The following CNTNAP2 variants were observed in gnomAD, a reference collection of about 807,000 sequenced individuals.
The protein encoded by CNTNAP2 is contactin associated protein 2.
In CNTNAP2, 98 loss-of-function variants were observed where a neutral mutation model predicts 155.2. The ratio of observed to expected loss-of-function variants is 0.63; its 90% CI spans 0.54 to 0.75. CNTNAP2 has a LOEUF of 0.75. Among genes scored for constraint, CNTNAP2 ranks in the 30% least tolerant of loss-of-function variants. CNTNAP2 has a pLI of 0.00. For synonymous variants in CNTNAP2, 651 were observed against 631.2 expected (o/e 1.03, Z -0.47); for missense variants, 1,727 against 1,688.1 (o/e 1.02, Z -0.40).
Position 146,118,355 on chromosome 7 carries a change from G to T in CNTNAP2, c.97+1382G>T, listed in dbSNP as rs1228126127. ...GTTAAATCACAAAGAGTTAAATATTGTTAATATTTATGTCAATTTTATAAA... is the reference window on the plus strand; with the variant it reads ...GTTAAATCACAAAGAGTTAAATATTTTTAATATTTATGTCAATTTTATAAA... On this transcript the variant is annotated intron_variant, in intron 1 of 23. Coordinates refer to ENST00000361727, the MANE Select transcript of CNTNAP2 (RefSeq NM_014141.6). 2.0e-5 allele frequency among the ~76,000 whole-genome samples: 3 copies of T among 151,998 alleles called. No homozygotes were observed. In the East Asian group the frequency reaches 5.8e-4, roughly 29 times the overall value.
chr7:146,757,675 A>G (rs1000309990), intron 1 of CNTNAP2, among the ~76,000 whole-genome samples: 4 of 152,210 alleles, frequency 2.6e-5, no homozygotes, highest in African/African-American at 9.6e-5. Flanking sequence ...TTCTAAATTC[A>G]GGTTCAGAGG....
At chr7:147,931,857 A>T (rs943703438) in intron 14 of CNTNAP2, among the ~76,000 whole-genome samples, 1 of 152,068 alleles carries the variant, frequency 6.6e-6, no homozygotes, top group African/African-American at 2.4e-5. Context: ...AATTCCAATA[A>T]CATTCTTTTT....
chr7:147,481,758 C>T (rs767610822), intron 10 of CNTNAP2, among the ~76,000 whole-genome samples: 15 of 152,186 alleles, frequency 9.9e-5, no homozygotes, highest in Non-Finnish European at 2.1e-4. Context: ...CACCTGCCAA[C>T]TTCTCCCCTG....
intron 18 of CNTNAP2, among the ~76,000 whole-genome samples, chr7:148,179,609 G>A (rs1157370171): frequency 7.0e-6 from 1 of 142,400 alleles, no homozygotes; most frequent in Non-Finnish European, 1.5e-5. Context: ...GGGAGGGAAG[G>A]AGGGAAGGAA....
intron 15 of CNTNAP2, among the ~76,000 whole-genome samples, chr7:148,088,488 C>A (rs924965135): frequency 1.3e-5 from 2 of 151,720 alleles, no homozygotes; most frequent in African/African-American, 4.8e-5. Flanking sequence ...GAGGAGACAT[C>A]ATAACCTATA....
chr7:147,663,185 G>A (rs1252579069), intron 13 of CNTNAP2, among the ~76,000 whole-genome samples: 3 of 40 alleles, frequency 0.075, no homozygotes, highest in Middle Eastern at 0.5. Context: ...TTTTCGTAGG[G>A]ACGGGTTTCA....
At chr7:146,956,089 T>C (rs1797429334) in intron 3 of CNTNAP2, among the ~76,000 whole-genome samples, 2 of 130,470 alleles carry the variant, frequency 1.5e-5, no homozygotes, top group African/African-American at 5.4e-5. Context: ...AGGAGATCAT[T>C]AGATTCTAGC....
At chr7:147,452,434 G>C (rs1797848649) in intron 10 of CNTNAP2, among the ~76,000 whole-genome samples, 1 of 152,086 alleles carries the variant, frequency 6.6e-6, no homozygotes, top group South Asian at 2.1e-4. Flanking sequence ...TTCATATAAT[G>C]TACATTGTTA....
chr7:147,262,980 T>A (rs1187815644), intron 8 of CNTNAP2, among the ~76,000 whole-genome samples: 4 of 152,242 alleles, frequency 2.6e-5, no homozygotes, highest in African/African-American at 9.6e-5. Context: ...CCCAGAAAAC[T>A]AATACAGATA....
intron 1 of CNTNAP2, among the ~76,000 whole-genome samples, chr7:146,505,357 C>T (rs910807887): frequency 6.6e-6 from 1 of 152,228 alleles, no homozygotes; most frequent in African/African-American, 2.4e-5. Flanking sequence ...AGGGGTAAAT[C>T]ATGCCCTTCA....
At chr7:148,064,630 C>T in intron 15 of CNTNAP2, among the ~76,000 whole-genome samples, 1 of 144,582 alleles carries the variant, frequency 6.9e-6, no homozygotes, top group African/African-American at 2.6e-5. Flanking sequence ...CAACTGCAAG[C>T]AAGCTAAGAA....
chr7:147,247,670 G>A (rs982757721), intron 8 of CNTNAP2, among the ~76,000 whole-genome samples: 2 of 152,136 alleles, frequency 1.3e-5, no homozygotes, highest in Admixed American at 1.3e-4. Context: ...AAAAAAATCT[G>A]AGTCCTTTAA....
chr7:146,886,550 G>GT (rs75105018), intron 3 of CNTNAP2, among the ~76,000 whole-genome samples: 1 of 151,812 alleles, frequency 6.6e-6, no homozygotes, highest in Non-Finnish European at 1.5e-5. Flanking sequence ...TGGACTGTAT[G>GT]TTTTTTTCTG....
rs1024136735 is a variant in CNTNAP2 at position 146,881,909 on chromosome 7, G to T, written c.402+42005G>T. On this transcript the variant is annotated intron_variant, in intron 3 of 23. Coordinates refer to ENST00000361727, the MANE Select transcript of CNTNAP2 (RefSeq NM_014141.6). Reference sequence around the variant, plus strand: ...GGTTTGAAGCACAAATATATTCGTCGTCTAGATAGTGACCATAGTACCCAA... The same window carrying T: ...GGTTTGAAGCACAAATATATTCGTCTTCTAGATAGTGACCATAGTACCCAA... 4.6e-5 allele frequency among the ~76,000 whole-genome samples: 7 copies of T among 151,748 alleles called. No individual in the cohort carries two copies. In the South Asian group the frequency reaches 1.0e-3, roughly 22 times the overall value.
intron 8 of CNTNAP2, among the ~76,000 whole-genome samples, chr7:147,187,880 T>G (rs1802599747): frequency 6.6e-6 from 1 of 152,124 alleles, no homozygotes; most frequent in African/African-American, 2.4e-5. Context: ...GGCCACATGG[T>G]GAAACCCTGT....
chr7:146,160,171 T>A (rs1162441821), intron 1 of CNTNAP2, among the ~76,000 whole-genome samples: 1 of 152,096 alleles, frequency 6.6e-6, no homozygotes, highest in Non-Finnish European at 1.5e-5. Context: ...CATACCAGAA[T>A]CTCTGGGACA....
intron 4 of CNTNAP2, among the ~76,000 whole-genome samples, chr7:147,083,714 T>G (rs1023294167): frequency 1.4e-5 from 2 of 144,764 alleles, no homozygotes; most frequent in South Asian, 4.3e-4. Flanking sequence ...TATTATATAT[T>G]TATATAGCAT....
At position 146,956,933 on chromosome 7, in the gene CNTNAP2, G is replaced by A. The variant is rs138388369; in HGVS notation, c.403-86974G>A. On this transcript the variant is annotated intron_variant, in intron 3 of 23. Transcript: ENST00000361727. ...AGAGAAAAAGATTAAAATAAAATAT[G>A]TACAGCCACGTGTCATTTAGTGACA... 5.4e-3 allele frequency among the ~76,000 whole-genome samples: 824 copies of A among 152,194 alleles called. 8 individuals are homozygous for A. The highest frequency in any genetic ancestry group is 0.019 in the African/African-American group (778 of 41,534).
intron 1 of CNTNAP2, among the ~76,000 whole-genome samples, chr7:146,771,262 C>A (rs957733976): frequency 3.3e-5 from 5 of 152,132 alleles, no homozygotes; most frequent in African/African-American, 9.7e-5. Context: ...TTGTTAATTT[C>A]ACCTTCAGCT....
Sources: allele counts gnomAD v4.1 joint callset (sites outside exome capture counted in the v4.1 genomes callset), GRCh38; gene constraint gnomAD v4.1.1; transcripts MANE v1.5; gene names NCBI Gene and HGNC (gene_info 2026-07-23, HGNC 2026-07-21).